CPVL: variants seen among roughly 807,000 people sequenced by gnomAD.
CPVL encodes probable serine carboxypeptidase CPVL.
CPVL carries 51 observed loss-of-function variants against 63.7 expected under a neutral mutation model. That is an observed-to-expected ratio of 0.80 (90% CI 0.64 to 1.01). The LOEUF is 1.01. Among genes scored for constraint, CPVL ranks in the 50% least tolerant of loss-of-function variants. The pLI is 0.00. For missense variants in CPVL, 530 were observed against 573.1 expected (o/e 0.92, Z 0.77); for synonymous variants, 195 against 206.0 (o/e 0.95, Z 0.46).
At chr7:29,120,160 G>A (rs1789212425) in intron 2 of CPVL, among the ~76,000 whole-genome samples, 3 of 152,182 alleles carry the variant, frequency 2.0e-5, no homozygotes. Flanking sequence ...GGTGGCTCAT[G>A]CCTATAATCC....
At chr7:29,101,470 C>G (rs893816351) in intron 3 of CPVL, among the ~76,000 whole-genome samples, 1 of 152,138 alleles carries the variant, frequency 6.6e-6, no homozygotes, top group African/African-American at 2.4e-5. Flanking sequence ...TGGCGGGCGC[C>G]TGTAGTCCCA....
At chr7:28,999,862 A>C (rs1562715816) in intron 12 of CPVL, among the ~76,000 whole-genome samples, 1 of 151,910 alleles carries the variant, frequency 6.6e-6, no homozygotes, top group Non-Finnish European at 1.5e-5. Flanking sequence ...TTCAAAAATA[A>C]ATATATTTTT....
Position 29,105,517 on chromosome 7 carries a change from T to C in CPVL, c.288+7187A>G, listed in dbSNP as rs116909181. Reference sequence around the variant, plus strand: ...CTGACTGCCTTTCCTCCCGAGGCTTTTCTATTACTCGTTCCTTAGGCCAGA... The same window carrying C: ...CTGACTGCCTTTCCTCCCGAGGCTTCTCTATTACTCGTTCCTTAGGCCAGA... On this transcript the variant is annotated intron_variant, in intron 3 of 12. Coordinates refer to ENST00000265394, the MANE Select transcript of CPVL (RefSeq NM_031311.5). Among the ~76,000 whole-genome samples the C allele has an allele frequency of 3.0e-3, 453 of 152,292 alleles. 1 individual carries two copies. The highest frequency in any genetic ancestry group is 4.0e-3 in the Non-Finnish European group (270 of 68,020).
intron 3 of CPVL, among the ~76,000 whole-genome samples, chr7:29,105,108 A>C (rs1195125233): frequency 6.6e-6 from 1 of 152,172 alleles, no homozygotes; most frequent in African/African-American, 2.4e-5. Flanking sequence ...CTGCTGGTGG[A>C]TTTGTATCCA....
chr7:29,132,713 T>C (rs1445734370), intron 1 of CPVL, among the ~76,000 whole-genome samples: 3 of 152,178 alleles, frequency 2.0e-5, no homozygotes, highest in African/African-American at 7.2e-5. Context: ...TTCTTTCTTA[T>C]TTCTCAATTT....
intron 12 of CPVL, among the ~76,000 whole-genome samples, chr7:29,023,905 A>G (rs917824663): frequency 5.3e-5 from 8 of 152,252 alleles, no homozygotes; most frequent in Non-Finnish European, 1.0e-4. Flanking sequence ...AGATTCACAG[A>G]TATCAATGTA....
At chr7:29,160,424 G>A (rs979855) in intron 5 of CPVL, among the ~76,000 whole-genome samples, 17,491 of 152,052 alleles carry the variant, frequency 0.12, 1,132 homozygotes, top group East Asian at 0.17. Context: ...TTTTAGTTTG[G>A]GCAATAATGT....
chr7:29,160,628 C>G (rs978150655), intron 5 of CPVL, among the ~76,000 whole-genome samples: 6 of 152,132 alleles, frequency 3.9e-5, no homozygotes, highest in African/African-American at 1.2e-4. Flanking sequence ...TCAGCCCTAA[C>G]CCCAGCACCT....
intron 9 of CPVL, among the ~76,000 whole-genome samples, chr7:29,067,725 A>G (rs1033958961): frequency 6.6e-6 from 1 of 152,216 alleles, no homozygotes; most frequent in Non-Finnish European, 1.5e-5. Flanking sequence ...CACATGTTAA[A>G]AACAATCTAT....
At chr7:29,004,344 G>C (rs1784961596) in intron 12 of CPVL, among the ~76,000 whole-genome samples, 1 of 152,136 alleles carries the variant, frequency 6.6e-6, no homozygotes, top group Non-Finnish European at 1.5e-5. Context: ...GAGAGGTGAA[G>C]ACCTTTCACT....
At chr7:29,142,945 C>T (rs1357871037) in intron 1 of CPVL, among the ~76,000 whole-genome samples, 1 of 152,156 alleles carries the variant, frequency 6.6e-6, no homozygotes, top group Non-Finnish European at 1.5e-5. Context: ...TCCATTCTAT[C>T]CACAGTTCAA....
At chr7:29,100,418 T>C (rs965483062) in intron 3 of CPVL, among the ~76,000 whole-genome samples, 2 of 152,224 alleles carry the variant, frequency 1.3e-5, no homozygotes, top group Non-Finnish European at 2.9e-5. Flanking sequence ...GTGGTTCTAA[T>C]GTGCAGGCGG....
chr7:29,188,360 T>C (rs1295743766), intron 1 of CPVL, among the ~76,000 whole-genome samples: 1 of 152,218 alleles, frequency 6.6e-6, no homozygotes, highest in Non-Finnish European at 1.5e-5. Flanking sequence ...CCAGGTCTTT[T>C]TGACTCCATA....
Position 29,107,763 on chromosome 7 carries a change from A to C in CPVL, c.288+4941T>G, listed in dbSNP as rs141144088. Among the ~76,000 whole-genome samples, 1,328 of 152,290 alleles carry C rather than the reference A, an allele frequency of 8.7e-3. 9 individuals are homozygous for C. The highest frequency in any genetic ancestry group is 0.016 in the Admixed American group (245 of 15,306). Reference sequence around the variant, plus strand: ...CCAGGTATTTCTGGTGAGCAGTAGCACATTTGGGAATTCCTGTCCTCTTCC... The same window carrying C: ...CCAGGTATTTCTGGTGAGCAGTAGCCCATTTGGGAATTCCTGTCCTCTTCC... On this transcript the variant is annotated intron_variant, in intron 3 of 12. Coordinates refer to ENST00000265394, the MANE Select transcript of CPVL (RefSeq NM_031311.5).
intron 11 of CPVL, among the ~76,000 whole-genome samples, chr7:29,033,338 G>A (rs1401616970): frequency 1.3e-5 from 2 of 152,198 alleles, no homozygotes; most frequent in African/African-American, 4.8e-5. Flanking sequence ...GGCTGAGCAT[G>A]AGAAGCAGGT....
chr7:29,160,609 C>T (rs748223652), intron 5 of CPVL, among the ~76,000 whole-genome samples: 2 of 152,072 alleles, frequency 1.3e-5, no homozygotes, highest in African/African-American at 2.4e-5. Context: ...AGGGGAAGTA[C>T]CACAATCTTC....
At chr7:29,077,653 A>G (rs762014672) in intron 7 of CPVL, among the ~76,000 whole-genome samples, 7 of 152,206 alleles carry the variant, frequency 4.6e-5, no homozygotes, top group Non-Finnish European at 8.8e-5. Flanking sequence ...TTGTATCCCC[A>G]GAAGGCATCA....
intron 5 of CPVL, among the ~76,000 whole-genome samples, chr7:29,176,203 TAAAAG>T (rs1254839687): frequency 6.8e-6 from 1 of 147,254 alleles, no homozygotes; most frequent in Non-Finnish European, 1.5e-5. Context: ...AAAAAACAGA[TAAAAG>T]AAAAAAAAGA....
At chr7:29,138,489 T>C (rs1351765542) in intron 1 of CPVL, among the ~76,000 whole-genome samples, 2 of 151,832 alleles carry the variant, frequency 1.3e-5, no homozygotes, top group Non-Finnish European at 2.9e-5. Flanking sequence ...TGGAAGAAAC[T>C]TGTGATTATA....
Sources: gnomAD v4.1 joint callset for allele counts (sites outside exome capture counted in the v4.1 genomes callset) on GRCh38, gnomAD v4.1.1 for gene constraint, MANE v1.5 for transcripts, NCBI Gene and HGNC (gene_info 2026-07-23, HGNC 2026-07-21) for gene names.